DOCK1: variants seen among roughly 807,000 people sequenced by gnomAD.
DOCK1 encodes the protein dedicator of cytokinesis 1.
DOCK1 carries 138 observed loss-of-function variants against 262.7 expected under a neutral mutation model. The ratio of observed to expected loss-of-function variants is 0.53; its 90% CI spans 0.46 to 0.61. DOCK1 has a LOEUF of 0.61. Ranked by LOEUF, DOCK1 falls within the 20% of genes least tolerant of loss-of-function variation. DOCK1 has a pLI of 0.00. For synonymous variants in DOCK1, 866 were observed against 867.4 expected, an observed-to-expected ratio of 1.00 and a Z score of 0.03; for missense variants, 1,908 against 2,370.7, an observed-to-expected ratio of 0.80 and a Z score of 4.05.
intron 33 of DOCK1, among the ~76,000 whole-genome samples, chr10:127,369,159 G>A (rs906220424): frequency 2.6e-5 from 4 of 152,142 alleles, no homozygotes; most frequent in African/African-American, 7.2e-5. Flanking sequence ...TTGAATAGCC[G>A]GGTGAATGTC....
chr10:127,330,055 T>G (rs1453987153), intron 29 of DOCK1, among the ~76,000 whole-genome samples: 1 of 152,166 alleles, frequency 6.6e-6, no homozygotes, highest in Non-Finnish European at 1.5e-5. Flanking sequence ...TAACTCCGCG[T>G]TGGGGCTCCT....
At chr10:126,976,049 A>G (rs916910051) in intron 2 of DOCK1, among the ~76,000 whole-genome samples, 1 of 152,240 alleles carries the variant, frequency 6.6e-6, no homozygotes, top group African/African-American at 2.4e-5. Context: ...CAGGAAGACT[A>G]TAATAGGATA....
intron 29 of DOCK1, among the ~76,000 whole-genome samples, chr10:127,328,296 G>A (rs1194196534): frequency 1.3e-5 from 2 of 152,200 alleles, no homozygotes; most frequent in African/African-American, 4.8e-5. Flanking sequence ...CTTGAAAGCA[G>A]CATTCTCTTT....
intron 43 of DOCK1, among the ~76,000 whole-genome samples, chr10:127,414,213 C>T (rs1267355933): frequency 6.6e-6 from 1 of 152,118 alleles, no homozygotes; most frequent in African/African-American, 2.4e-5. Flanking sequence ...ACGCTTGTCC[C>T]AGTTTTCTGG....
chr10:127,435,707 T>A (rs2069642117), intron 48 of DOCK1, among the ~76,000 whole-genome samples: 1 of 152,212 alleles, frequency 6.6e-6, no homozygotes, highest in South Asian at 2.1e-4. Flanking sequence ...CTCAGGCTGC[T>A]GGCTCTTCCC....
chr10:127,404,829 A>G (rs1345040630), intron 40 of DOCK1, among the ~76,000 whole-genome samples: 1 of 152,150 alleles, frequency 6.6e-6, no homozygotes, highest in Non-Finnish European at 1.5e-5. Flanking sequence ...GAGATTCTGC[A>G]TCCATTAAAC....
intron 6 of DOCK1, among the ~76,000 whole-genome samples, chr10:126,992,559 G>T (rs2039865685): frequency 1.3e-5 from 2 of 152,278 alleles, no homozygotes; most frequent in South Asian, 4.1e-4. Context: ...ATAAGGAAAA[G>T]ATGTTTTGCG....
chr10:126,931,020 T>C (rs890748276), intron 1 of DOCK1, among the ~76,000 whole-genome samples: 2 of 152,046 alleles, frequency 1.3e-5, no homozygotes, highest in African/African-American at 4.8e-5. Context: ...ATTCCCTGCG[T>C]CGAGGATGGG....
chr10:127,109,797 G>T (rs1320208410), intron 24 of DOCK1, among the ~76,000 whole-genome samples: 1 of 151,992 alleles, frequency 6.6e-6, no homozygotes, highest in East Asian at 1.9e-4. Context: ...TACTTTTTCA[G>T]TATAATGAAC....
At chr10:127,416,855 T>C (rs2068185786) in intron 44 of DOCK1, among the ~76,000 whole-genome samples, 1 of 152,142 alleles carries the variant, frequency 6.6e-6, no homozygotes, top group Admixed American at 6.5e-5. Context: ...CAGGACAGCA[T>C]GGCTATGCCT....
At chr10:127,269,015 C>T (rs1317199918) in intron 29 of DOCK1, among the ~76,000 whole-genome samples, 2 of 152,158 alleles carry the variant, frequency 1.3e-5, no homozygotes, top group East Asian at 3.9e-4. Context: ...AGGCCACCTT[C>T]AGTACAAGGG....
intron 29 of DOCK1, among the ~76,000 whole-genome samples, chr10:127,267,649 T>TACTGATGCCGCATCCCGCTGGC (rs2060410957): frequency 6.6e-6 from 1 of 152,226 alleles, no homozygotes; most frequent in Non-Finnish European, 1.5e-5. Flanking sequence ...GCCTGGCTGG[T>TACTGATGCCGCATCCCGCTGGC]ACTGATGCCG....
chr10:127,195,617 C>T (rs1043964871), intron 27 of DOCK1, among the ~76,000 whole-genome samples: 22 of 151,916 alleles, frequency 1.4e-4, no homozygotes, highest in African/African-American at 4.3e-4. Context: ...GGGGAGACGG[C>T]CGCCCCCAGA....
chr10:126,941,706 G>C (rs1314391349), intron 1 of DOCK1, among the ~76,000 whole-genome samples: 1 of 151,968 alleles, frequency 6.6e-6, no homozygotes, highest in Non-Finnish European at 1.5e-5. Flanking sequence ...AGTGAGCCGA[G>C]ATCGTGCCAC....
intron 47 of DOCK1, among the ~76,000 whole-genome samples, chr10:127,432,843 G>A (rs1304101135): frequency 1.3e-5 from 2 of 152,248 alleles, no homozygotes; most frequent in East Asian, 3.9e-4. Context: ...TCTAGAGGAG[G>A]TCAGTCATTA....
intron 29 of DOCK1, among the ~76,000 whole-genome samples, chr10:127,302,782 G>A (rs1272180238): frequency 6.7e-6 from 1 of 148,484 alleles, no homozygotes; most frequent in East Asian, 2.0e-4. Flanking sequence ...GTGTGTGTGT[G>A]TGTGTATTGT....
rs567658919 is a variant in DOCK1 at position 127,275,543 on chromosome 10, G to C, written c.3044+18114G>C. On this transcript the variant is annotated intron_variant, in intron 29 of 51. Coordinates refer to ENST00000623213, the MANE Select transcript of DOCK1 (RefSeq NM_001290223.2). ...GCTGTGATACCAGGAGAGTTTGTAG[G>C]AATTTGCTGTTGATTTAGGGCATGT... 3.2e-4 allele frequency among the ~76,000 whole-genome samples: 49 copies of C among 152,254 alleles called. No homozygotes were observed. In the South Asian group the frequency reaches 9.8e-3, roughly 30 times the overall value.
rs1156496118 is a variant in DOCK1 at position 127,175,334 on chromosome 10, T to C, written c.2847+47570T>C. ...GAAGTTGTGCTTTGAGGTCGACCAC[T>C]TCCGTATGAGGCACGATTCGTTGGC... On this transcript the variant is annotated intron_variant, in intron 27 of 51. Transcript: ENST00000623213. The surrounding 1 kb of genome is among the most constrained non-coding windows in gnomAD (Gnocchi z 6.3). 6.2e-7 allele frequency: 1 copy of C among 1,614,162 alleles called. No individual in the cohort carries two copies. The highest frequency in any genetic ancestry group is 2.2e-5 in the East Asian group (1 of 44,872).
chr10:127,202,070 C>T (rs574785482), intron 27 of DOCK1, among the ~76,000 whole-genome samples: 42 of 152,200 alleles, frequency 2.8e-4, no homozygotes, highest in African/African-American at 9.6e-4. Flanking sequence ...TGCCTGTAAT[C>T]CGAGCATTTT....
Sources: gnomAD v4.1 joint callset for allele counts (sites outside exome capture counted in the v4.1 genomes callset) on GRCh38, gnomAD v4.1.1 for gene constraint, Gnocchi (gnomAD v3.1) non-coding constraint, MANE v1.5 for transcripts, NCBI Gene and HGNC (gene_info 2026-07-23, HGNC 2026-07-21) for gene names.